The following FRMD3 variants were observed in gnomAD, a reference collection of about 807,000 sequenced individuals.
FRMD3 encodes the protein FERM domain containing 3.
In FRMD3, 33 loss-of-function variants were observed where a neutral mutation model predicts 70.2. The ratio of observed to expected loss-of-function variants is 0.47; its 90% CI spans 0.36 to 0.63. FRMD3 has a LOEUF of 0.63. Among genes scored for constraint, FRMD3 ranks in the 20% least tolerant of loss-of-function variants. The pLI is 0.00. For synonymous variants in FRMD3, 279 were observed against 255.9 expected (o/e 1.09, Z -0.86); for missense variants, 632 against 711.4 (o/e 0.89, Z 1.27).
chr9:83,515,934 C>T (rs1041311477), intron 1 of FRMD3, among the ~76,000 whole-genome samples: 1 of 152,112 alleles, frequency 6.6e-6, no homozygotes, highest in South Asian at 2.1e-4. Context: ...GATTTTGTCA[C>T]CCCCAGGCCT....
At chr9:83,408,979 C>T (rs554729000) in intron 1 of FRMD3, among the ~76,000 whole-genome samples, 2 of 152,278 alleles carry the variant, frequency 1.3e-5, no homozygotes, top group East Asian at 3.9e-4. Context: ...GTGTGCAATC[C>T]ATTGTCCTGA....
intron 6 of FRMD3, among the ~76,000 whole-genome samples, chr9:83,332,844 G>A (rs12555197): frequency 0.32 from 49,177 of 152,030 alleles, 8,208 homozygotes; most frequent in African/African-American, 0.38. Context: ...GGAGGGTCAC[G>A]GGTGTTGTGG....
intron 1 of FRMD3, among the ~76,000 whole-genome samples, chr9:83,406,842 G>T (rs118129062): frequency 1.3e-5 from 2 of 152,270 alleles, no homozygotes; most frequent in South Asian, 2.1e-4. Context: ...TTATTTTGTT[G>T]TTGTTCCTGT....
chr9:83,255,171 G>C (rs1214770809), intron 13 of FRMD3, among the ~76,000 whole-genome samples: 2 of 152,078 alleles, frequency 1.3e-5, no homozygotes, highest in East Asian at 1.9e-4. Flanking sequence ...ATATCGAAAG[G>C]CTTATCCACC....
intron 1 of FRMD3, among the ~76,000 whole-genome samples, chr9:83,451,835 C>A (rs1461236105): frequency 1.3e-5 from 2 of 152,166 alleles, no homozygotes; most frequent in Admixed American, 1.3e-4. Context: ...AATAATCTAA[C>A]AATTTAACAA....
chr9:83,247,152 T>C lies in FRMD3; in HGVS notation c.*766A>G. The C allele has an allele frequency of 1.0e-6, 1 of 985,322 alleles. No individual in the cohort carries two copies. The highest frequency in any genetic ancestry group is 1.2e-6 in the Non-Finnish European group (1 of 829,822). 61.0% of individuals were successfully genotyped at this position (985,322 alleles called of 1,614,324 possible). On this transcript the variant is annotated 3_prime_UTR_variant, in exon 14 of 14. Coordinates refer to ENST00000304195, the MANE Select transcript of FRMD3 (RefSeq NM_174938.6). ...AAAAATGGACCACCCTGAGTCCACTTGATGCTCTCAGTTTCTACATCCTCC... is the reference window on the plus strand; with the variant it reads ...AAAAATGGACCACCCTGAGTCCACTCGATGCTCTCAGTTTCTACATCCTCC...
At chr9:83,395,305 C>T (rs961137275) in intron 1 of FRMD3, among the ~76,000 whole-genome samples, 1 of 148,376 alleles carries the variant, frequency 6.7e-6, no homozygotes, top group African/African-American at 2.5e-5. Flanking sequence ...AACAAAAAGA[C>T]AAAGAACTCA....
At chr9:83,446,444 A>G (rs553450618) in intron 1 of FRMD3, among the ~76,000 whole-genome samples, 163 of 151,894 alleles carry the variant, frequency 1.1e-3, no homozygotes, top group Non-Finnish European at 1.6e-3. Flanking sequence ...TCAGGAAATC[A>G]AGACCATCCT....
intron 3 of FRMD3, among the ~76,000 whole-genome samples, chr9:83,357,868 G>C (rs1233309575): frequency 6.6e-6 from 1 of 152,214 alleles, no homozygotes; most frequent in African/African-American, 2.4e-5. Flanking sequence ...CTCCCACTCT[G>C]TGGGTTGTCT....
chr9:83,362,955 C>T (rs1824655332), intron 3 of FRMD3, among the ~76,000 whole-genome samples: 2 of 142,552 alleles, frequency 1.4e-5, no homozygotes, highest in Admixed American at 1.4e-4. Flanking sequence ...TGCTTTCTTT[C>T]TTCCTTCCTT....
chr9:83,349,546 C>A, intron 4 of FRMD3, 133 bp downstream of exon 4: 1 of 593,726 alleles, frequency 1.7e-6, no homozygotes, highest in Non-Finnish European at 2.9e-6. Flanking sequence ...GCATTCCAAG[C>A]AAAAACGCTG....
chr9:83,371,090 A>G (rs2131252745), intron 3 of FRMD3, among the ~76,000 whole-genome samples: 1 of 152,334 alleles, frequency 6.6e-6, no homozygotes, highest in East Asian at 1.9e-4. Context: ...ATGGCTTAAG[A>G]ACAAAAGGAA....
At chr9:83,434,164 TA>T (rs1332678083) in intron 1 of FRMD3, among the ~76,000 whole-genome samples, 2 of 152,144 alleles carry the variant, frequency 1.3e-5, no homozygotes, top group Non-Finnish European at 2.9e-5. Flanking sequence ...CTCCCCAAAC[TA>T]AAAAATAAAG....
chr9:83,580,843 T>C, the FRMD3 span, among the ~76,000 whole-genome samples: 3 of 152,112 alleles, frequency 2.0e-5, no homozygotes, highest in African/African-American at 4.8e-5. Flanking sequence ...TATATACATA[T>C]ATCAAAATAC....
chr9:83,325,280 C>A (rs548616948), intron 6 of FRMD3, among the ~76,000 whole-genome samples: 1 of 152,284 alleles, frequency 6.6e-6, no homozygotes, highest in Admixed American at 6.5e-5. Context: ...ATCTATGTAA[C>A]AAAATGACAC....
At chr9:83,433,664 A>G (rs1433179082) in intron 1 of FRMD3, among the ~76,000 whole-genome samples, 1 of 152,230 alleles carries the variant, frequency 6.6e-6, no homozygotes, top group African/African-American at 2.4e-5. Flanking sequence ...CTGCAACTAG[A>G]CAGTCCAATC....
At chr9:83,349,644 G>A (rs373032772) in intron 4 of FRMD3, 35 bp downstream of exon 4, 14 of 1,463,582 alleles carry the variant, frequency 9.6e-6, no homozygotes, top group African/African-American at 5.6e-5. Flanking sequence ...GCTGGTTAAA[G>A]GTGCACGTTA....
At chr9:83,423,452 A>G (rs1826701064) in intron 1 of FRMD3, among the ~76,000 whole-genome samples, 1 of 152,134 alleles carries the variant, frequency 6.6e-6, no homozygotes, top group African/African-American at 2.4e-5. Context: ...CAACACTGCC[A>G]TCAGGAGAAA....
intron 12 of FRMD3, chr9:83,297,722 T>C (rs1834731656): frequency 2.1e-6 from 1 of 471,642 alleles, no homozygotes; most frequent in Non-Finnish European, 4.4e-6. Context: ...AGTCTTCTGC[T>C]TCTTACAGTG....
Sources: allele counts gnomAD v4.1 joint callset (sites outside exome capture counted in the v4.1 genomes callset), GRCh38; gene constraint gnomAD v4.1.1; transcripts MANE v1.5; gene names NCBI Gene and HGNC (gene_info 2026-07-23, HGNC 2026-07-21).